The following NT5E variants were observed in gnomAD, a reference collection of about 807,000 sequenced individuals.
NT5E encodes the protein 5'-nucleotidase ecto, also known as 5'-nucleotidase.
A neutral mutation model predicts 55.1 loss-of-function variants in NT5E; 53 were observed. That is an observed-to-expected ratio of 0.96 (90% CI 0.77 to 1.21). The LOEUF (loss-of-function observed/expected upper bound fraction) is 1.21, where lower values mean the gene tolerates loss of function less well. Among genes scored for constraint, NT5E ranks in the 50% most tolerant of loss-of-function variants. The pLI is 0.00. For missense variants in NT5E, 683 were observed against 724.3 expected, an observed-to-expected ratio of 0.94 and a Z score of 0.65; for synonymous variants, 270 against 278.4, an observed-to-expected ratio of 0.97 and a Z score of 0.30.
At position 85,478,747 on chromosome 6, in the gene NT5E, A is replaced by G. The variant is rs371534824; in HGVS notation, c.752-6488A>G. Among the ~76,000 whole-genome samples, 132 of 151,190 alleles carry G rather than the reference A, an allele frequency of 8.7e-4. 1 individual carries two copies. The South Asian group carries it at 0.026, about 29-fold the overall frequency. Reference sequence around the variant, plus strand: ...GTTAAATATATTTATATATATATATAGAAAGAATATTAGAGAACTGACATA... The same window carrying G: ...GTTAAATATATTTATATATATATATGGAAAGAATATTAGAGAACTGACATA... On this transcript the variant is annotated intron_variant, in intron 3 of 8. Transcript: ENST00000257770.
chr6:85,465,377 G>C (rs1385522361), intron 1 of NT5E, among the ~76,000 whole-genome samples: 2 of 152,168 alleles, frequency 1.3e-5, no homozygotes, highest in East Asian at 3.8e-4. Context: ...TAATTTTATA[G>C]TTAAGCAAGA....
At chr6:85,470,058 G>A (rs933234685) in intron 2 of NT5E, among the ~76,000 whole-genome samples, 2 of 152,274 alleles carry the variant, frequency 1.3e-5, no homozygotes, top group South Asian at 2.1e-4. Context: ...TCCTTCCCTT[G>A]TTTAGTGTTA....
chr6:85,467,370 G>A (rs1769218089), intron 2 of NT5E, 88 bp downstream of exon 2: 5 of 1,100,660 alleles, frequency 4.5e-6, no homozygotes, highest in Non-Finnish European at 5.5e-6. Flanking sequence ...GTAGATAAAA[G>A]TAGGAACAAC....
intron 1 of NT5E, among the ~76,000 whole-genome samples, chr6:85,455,743 C>A (rs1189596173): frequency 6.6e-6 from 1 of 152,142 alleles, no homozygotes; most frequent in Non-Finnish European, 1.5e-5. Flanking sequence ...GAGCCCTTAA[C>A]CTATGGGATC....
At chr6:85,468,452 T>C (rs1162871140) in intron 2 of NT5E, among the ~76,000 whole-genome samples, 1 of 152,122 alleles carries the variant, frequency 6.6e-6, no homozygotes, top group Non-Finnish European at 1.5e-5. Flanking sequence ...CACAGGACAT[T>C]CCAGAAGTGA....
rs762798200 is a variant in NT5E, at chr6:85,471,425, G to C, written c.751G>C (p.Gly251Arg). 6.2e-7 allele frequency: 1 copy of C among 1,611,636 alleles called. No individual in the cohort carries two copies. Among genetic ancestry groups the C allele is most frequent in the Admixed American group, 1.7e-5 (1 of 59,924 alleles). ...ACACTCCAACACATTTCTTTACACA[G>C]GTAATTGTTTCAAAAGGATTGCATG... ...GGHSNTFLYTGNPPSKEVPAG... is the reference protein window; with the variant it reads ...GGHSNTFLYTRNPPSKEVPAG... Residue 251 changes from glycine (G) to arginine (R), a missense_variant and splice_region_variant, in exon 3 of 9, where the codon GGC becomes CGC. Transcript: ENST00000257770.
chr6:85,478,043 A>AAAAAAT (rs1554200839), intron 3 of NT5E, among the ~76,000 whole-genome samples: 1 of 151,374 alleles, frequency 6.6e-6, no homozygotes, highest in Non-Finnish European at 1.5e-5. Flanking sequence ...AAAAAAAAAA[A>AAAAAAT]GGATTTTGCT....
chr6:85,466,154 A>T (rs879883266), intron 1 of NT5E, among the ~76,000 whole-genome samples: 8 of 152,106 alleles, frequency 5.3e-5, no homozygotes, highest in Non-Finnish European at 1.0e-4. Context: ...GGGCCTCTGC[A>T]TGGATTCCCT....
chr6:85,489,928 C>T (rs1582388021), intron 6 of NT5E, among the ~76,000 whole-genome samples: 1 of 152,166 alleles, frequency 6.6e-6, no homozygotes, highest in Non-Finnish European at 1.5e-5. Context: ...CAACAGTCAC[C>T]ACCTTGGCAT....
chr6:85,480,197 C>A (rs1769516796), intron 3 of NT5E, among the ~76,000 whole-genome samples: 1 of 152,198 alleles, frequency 6.6e-6, no homozygotes, highest in Non-Finnish European at 1.5e-5. Context: ...GGCTTGGGTA[C>A]AAGCAGATAG....
chr6:85,464,330 C>T (rs1054182423), intron 1 of NT5E, among the ~76,000 whole-genome samples: 2 of 152,146 alleles, frequency 1.3e-5, no homozygotes, highest in African/African-American at 2.4e-5. Context: ...AACTCACTTT[C>T]CATGACGCTG....
chr6:85,489,446 A>G (rs755981561), intron 5 of NT5E, 48 bp from the exon 6 acceptor site: 1 of 1,209,124 alleles, frequency 8.3e-7, no homozygotes, highest in South Asian at 1.7e-5. Flanking sequence ...GCTGATCCTA[A>G]GGAAGAAGAG....
chr6:85,453,960 C>A (rs1043671080), intron 1 of NT5E, among the ~76,000 whole-genome samples: 2 of 152,172 alleles, frequency 1.3e-5, no homozygotes, highest in African/African-American at 4.8e-5. Context: ...CATACCCAGT[C>A]CTGTTATTTA....
intron 1 of NT5E, among the ~76,000 whole-genome samples, chr6:85,463,776 A>G (rs1769138213): frequency 6.6e-6 from 1 of 152,216 alleles, no homozygotes; most frequent in Non-Finnish European, 1.5e-5. Flanking sequence ...GGTGAGTAGC[A>G]TGATCCTGAA....
chr6:85,484,465 G>T (rs377424942), intron 3 of NT5E, among the ~76,000 whole-genome samples: 5 of 152,292 alleles, frequency 3.3e-5, no homozygotes, highest in Admixed American at 6.5e-5. Context: ...TGGGTGATGA[G>T]CAGCTCCCAC....
At chr6:85,485,087 G>A in intron 3 of NT5E, 148 bp from the exon 4 acceptor site, 1 of 756,542 alleles carries the variant, frequency 1.3e-6, no homozygotes, top group Non-Finnish European at 2.3e-6. Flanking sequence ...CAAATGCCCA[G>A]ATAGGGCTCT....
At chr6:85,481,066 T>C (rs557408489) in intron 3 of NT5E, among the ~76,000 whole-genome samples, 1 of 152,112 alleles carries the variant, frequency 6.6e-6, no homozygotes, top group Non-Finnish European at 1.5e-5. Flanking sequence ...TTCCACCACA[T>C]GGAAAGCATC....
At chr6:85,479,352 A>C (rs1441178888) in intron 3 of NT5E, among the ~76,000 whole-genome samples, 2 of 152,204 alleles carry the variant, frequency 1.3e-5, no homozygotes, top group Non-Finnish European at 2.9e-5. Flanking sequence ...CAGGCCAAGA[A>C]ACATTTATGG....
chr6:85,493,797 T>A lies in NT5E; in HGVS notation c.1562-44T>A, dbSNP rs779887045. 4 of 1,538,990 alleles carry A rather than the reference T, an allele frequency of 2.6e-6. No individual in the cohort carries two copies. In the African/African-American group the frequency reaches 4.1e-5, roughly 16 times the overall value. ...AAAGGACTACCTTACTGTTGATTGA[T>A]AATTACCTTTTCTGTAGTTAAAATA... On this transcript the variant is annotated intron_variant, in intron 8 of 8. Transcript: ENST00000257770.
Sources: allele counts gnomAD v4.1 joint callset (sites outside exome capture counted in the v4.1 genomes callset), GRCh38; gene constraint gnomAD v4.1.1; transcripts MANE v1.5; gene names NCBI Gene and HGNC (gene_info 2026-07-23, HGNC 2026-07-21).